The following GDPD4 variants were observed in gnomAD, a reference collection of about 807,000 sequenced individuals.
GDPD4 encodes glycerophosphodiester phosphodiesterase domain containing 4.
GDPD4 carries 60 observed loss-of-function variants against 67.8 expected under a neutral mutation model. The ratio of observed to expected loss-of-function variants is 0.88; its 90% CI spans 0.72 to 1.10. The LOEUF (loss-of-function observed/expected upper bound fraction) is 1.10. Among genes scored for constraint, GDPD4 ranks in the 50% least tolerant of loss-of-function variants. The probability of loss-of-function intolerance (pLI) is 0.00; values close to 1 mark genes in which losing one functional copy is unlikely to be tolerated. For missense variants in GDPD4, 623 were observed against 613.9 expected, an observed-to-expected ratio of 1.01 and a Z score of -0.16; for synonymous variants, 212 against 210.9, an observed-to-expected ratio of 1.00 and a Z score of -0.04.
rs1466393011 is a variant in GDPD4, at chr11:77,233,038, G to T, written c.1376C>A (p.Pro459His). 7 of 1,613,844 alleles carry T rather than the reference G, an allele frequency of 4.3e-6. No homozygotes were observed. The highest frequency in any genetic ancestry group is 5.9e-6 in the Non-Finnish European group (7 of 1,179,864). ...NIGLLSQLDH[P>H]HFFMTPKFYV... The stretch of plus-strand genomic sequence containing the variant: ...CAACCAGCTCACCATGAAGAAGTGA[G>T]GGTGATCAAGCTGACTCAGGAGCCC... The change falls in exon 14 of 17, where the codon CCT (proline) becomes CAT (histidine). Residue 459 changes from proline (P) to histidine (H), a missense_variant. Transcript: ENST00000315938.
At chr11:77,271,273 G>A (rs1327035036) in intron 6 of GDPD4, 22 bp downstream of exon 6, 2 of 1,607,600 alleles carry the variant, frequency 1.2e-6, no homozygotes. Flanking sequence ...AGCTAGTGCT[G>A]GAGCTATAGG....
At position 77,216,614 on chromosome 11, in the gene GDPD4, A is replaced by G. The variant is rs1486304517; in HGVS notation, c.*663T>C. ...AGTCACTCCTTTAGCAGAAAATATT[A>G]TGGAGGTGTTAGGATGAGATAAACC... On this transcript the variant is annotated 3_prime_UTR_variant, in exon 17 of 17. Coordinates refer to ENST00000315938, the MANE Select transcript of GDPD4 (RefSeq NM_182833.3). 8.3e-6 allele frequency: 3 copies of G among 360,390 alleles called. No homozygotes were observed. The highest frequency in any genetic ancestry group is 1.2e-4 in the East Asian group (2 of 17,226). 22.3% of individuals were successfully genotyped at this position (360,390 alleles called of 1,614,324 possible). A position where few individuals can be genotyped will look rare whatever the true frequency, so the allele number is the denominator to read the frequency against.
intron 2 of GDPD4, among the ~76,000 whole-genome samples, chr11:77,285,531 T>A (rs1959958000): frequency 6.6e-6 from 1 of 152,242 alleles, no homozygotes; most frequent in African/African-American, 2.4e-5. Flanking sequence ...TCTCCAGCTA[T>A]CAAATGTTTT....
intron 13 of GDPD4, among the ~76,000 whole-genome samples, chr11:77,239,905 T>A (rs1201495222): frequency 6.7e-6 from 1 of 149,128 alleles, no homozygotes; most frequent in Non-Finnish European, 1.5e-5. Context: ...GAGGTTGCAA[T>A]GGGCAGAGAT....
At chr11:77,219,646 AT>A (rs1958189775) in intron 16 of GDPD4, among the ~76,000 whole-genome samples, 1 of 152,174 alleles carries the variant, frequency 6.6e-6, no homozygotes, top group Non-Finnish European at 1.5e-5. Context: ...TCCTTTCCCC[AT>A]TTCTTGTTTT....
intron 1 of GDPD4, among the ~76,000 whole-genome samples, chr11:77,291,776 A>G (rs1937783768): frequency 6.6e-6 from 1 of 152,230 alleles, no homozygotes; most frequent in African/African-American, 2.4e-5. Flanking sequence ...CATGCCTGTA[A>G]TCCCAGCACT....
At chr11:77,243,277 T>C (rs1958708631) in intron 13 of GDPD4, among the ~76,000 whole-genome samples, 1 of 152,198 alleles carries the variant, frequency 6.6e-6, no homozygotes, top group Non-Finnish European at 1.5e-5. Flanking sequence ...TAATTATCCG[T>C]TCCAGAAATA....
At chr11:77,295,045 T>C (rs1046975103) in intron 1 of GDPD4, among the ~76,000 whole-genome samples, 1 of 139,518 alleles carries the variant, frequency 7.2e-6, no homozygotes, top group African/African-American at 2.6e-5. Context: ...CTCAGCTCAC[T>C]ACAACCTCTG....
At chr11:77,275,247 G>A (rs945024373) in intron 5 of GDPD4, among the ~76,000 whole-genome samples, 1 of 152,066 alleles carries the variant, frequency 6.6e-6, no homozygotes, top group Admixed American at 6.5e-5. Context: ...AAAAAAGCAA[G>A]AGGCTGTCAC....
intron 14 of GDPD4, 67 bp from the exon 15 acceptor site, chr11:77,229,299 G>T: frequency 2.1e-6 from 2 of 943,832 alleles, no homozygotes; most frequent in Non-Finnish European, 3.3e-6. Flanking sequence ...TACGGTCTAA[G>T]TCCCTTGCTC....
intron 15 of GDPD4, among the ~76,000 whole-genome samples, 176 bp from the exon 16 acceptor site, chr11:77,228,092 G>A (rs780200080): frequency 5.3e-5 from 8 of 152,120 alleles, no homozygotes; most frequent in Non-Finnish European, 1.0e-4. Flanking sequence ...GATTATGGGC[G>A]AGGCACGGTG....
chr11:77,291,826 T>C (rs1360048958), intron 1 of GDPD4, among the ~76,000 whole-genome samples: 2 of 151,416 alleles, frequency 1.3e-5, no homozygotes, highest in Non-Finnish European at 2.9e-5. Context: ...AGGTCGGGAG[T>C]TTGAGACCAG....
intron 8 of GDPD4, 60 bp downstream of exon 8, chr11:77,269,823 A>C (rs1959197988): frequency 1.1e-6 from 1 of 884,182 alleles, no homozygotes; most frequent in Non-Finnish European, 1.8e-6. Flanking sequence ...ACCCATTTGT[A>C]CATTTTCAAG....
rs57989259 is a variant in GDPD4 at position 77,235,009 on chromosome 11, GTTTTTTTTTT to G, written c.1242-1847_1242-1838del. Reference sequence around the variant, plus strand: ...TCTCTCTGCAACCTTGTCAATATCTGTTTTTTTTTTTTTTTTTTTTTTTTTTTTGACTTTT... The same window carrying G: ...TCTCTCTGCAACCTTGTCAATATCTGTTTTTTTTTTTTTTTTTTGACTTTT... On this transcript the variant is annotated intron_variant, in intron 13 of 16. Transcript: ENST00000315938. 4.3e-3 allele frequency among the ~76,000 whole-genome samples: 223 copies of G among 52,272 alleles called. 2 individuals are homozygous for G. The highest frequency in any genetic ancestry group is 0.018 in the South Asian group (14 of 764). The allele number at this position is 52,272 out of a possible 152,430, so 34.3% of individuals were successfully genotyped here.
intron 1 of GDPD4, among the ~76,000 whole-genome samples, chr11:77,300,623 CTG>C (rs950636058): frequency 2.6e-5 from 4 of 152,180 alleles, no homozygotes; most frequent in South Asian, 4.2e-4. Flanking sequence ...TTATAGAACA[CTG>C]TACTCAACAA....
chr11:77,259,599 T>C (rs1222481380), intron 10 of GDPD4, among the ~76,000 whole-genome samples: 1 of 149,740 alleles, frequency 6.7e-6, no homozygotes, highest in Non-Finnish European at 1.5e-5. Context: ...AGCAATTCCA[T>C]CGCCCAGGCT....
At chr11:77,277,188 C>A (rs4945166) in intron 4 of GDPD4, among the ~76,000 whole-genome samples, 1 of 150,922 alleles carries the variant, frequency 6.6e-6, no homozygotes, top group Non-Finnish European at 1.5e-5. Flanking sequence ...TCAGAGTTTG[C>A]CCTACAGCAC....
intron 1 of GDPD4, among the ~76,000 whole-genome samples, chr11:77,301,072 C>T (rs1218058001): frequency 6.6e-6 from 1 of 152,140 alleles, no homozygotes; most frequent in Non-Finnish European, 1.5e-5. Flanking sequence ...AGCGTAGCCA[C>T]GTTTACATGA....
intron 1 of GDPD4, among the ~76,000 whole-genome samples, chr11:77,298,413 G>A (rs1213440282): frequency 6.6e-6 from 1 of 152,208 alleles, no homozygotes; most frequent in Non-Finnish European, 1.5e-5. Flanking sequence ...TTGCGAAGCT[G>A]AGGCATGAAA....
Sources: allele counts gnomAD v4.1 joint callset (sites outside exome capture counted in the v4.1 genomes callset), GRCh38; gene constraint gnomAD v4.1.1; transcripts MANE v1.5; gene names NCBI Gene and HGNC (gene_info 2026-07-23, HGNC 2026-07-21).